CDK8: variants seen among roughly 807,000 people sequenced by gnomAD.
CDK8 encodes the protein cyclin dependent kinase 8.
A neutral mutation model predicts 71.5 loss-of-function variants in CDK8; 29 were observed. That is an observed-to-expected ratio of 0.41 (90% confidence interval 0.30 to 0.55). The LOEUF (loss-of-function observed/expected upper bound fraction) is 0.55, where lower values mean the gene tolerates loss of function less well. Among genes scored for constraint, CDK8 ranks in the 20% least tolerant of loss-of-function variants. The pLI is 0.37. For missense variants in CDK8, 288 were observed against 572.6 expected, an observed-to-expected ratio of 0.50 and a Z score of 5.07; for synonymous variants, 161 against 192.1, an observed-to-expected ratio of 0.84 and a Z score of 1.34.
intron 4 of CDK8, among the ~76,000 whole-genome samples, chr13:26,355,015 G>A (rs1873834760): frequency 6.6e-6 from 1 of 152,094 alleles, no homozygotes. Flanking sequence ...CTAATCACCT[G>A]TATACAAAGG....
At chr13:26,290,570 T>C (rs758528733) in intron 1 of CDK8, among the ~76,000 whole-genome samples, 19 of 152,174 alleles carry the variant, frequency 1.2e-4, no homozygotes, top group Non-Finnish European at 2.2e-4. Flanking sequence ...CACACCCCTT[T>C]CAAACCCCAC....
At chr13:26,378,276 G>A (rs930863702) in intron 4 of CDK8, among the ~76,000 whole-genome samples, 1 of 152,080 alleles carries the variant, frequency 6.6e-6, no homozygotes, top group African/African-American at 2.4e-5. Context: ...CTCCTAAAAC[G>A]AAACCAATTT....
intron 6 of CDK8, among the ~76,000 whole-genome samples, chr13:26,391,350 T>TCC (rs1198424427): frequency 6.6e-6 from 1 of 152,212 alleles, no homozygotes; most frequent in Non-Finnish European, 1.5e-5. Flanking sequence ...CAAGCGATCC[T>TCC]CCCGCCTCAG....
intron 1 of CDK8, among the ~76,000 whole-genome samples, chr13:26,329,321 T>G (rs1340823539): frequency 6.6e-6 from 1 of 152,078 alleles, no homozygotes; most frequent in African/African-American, 2.4e-5. Context: ...GGTCCCATCC[T>G]CTTATTTTTG....
In CDK8 at chr13:26,337,624, G is replaced by A. The variant is rs781169243; in HGVS notation, c.186G>A (p.Ser62=). 2.4e-5 allele frequency: 34 copies of A among 1,438,888 alleles called. No individual in the cohort carries two copies. The highest frequency in any genetic ancestry group is 7.0e-5 in the South Asian group (4 of 57,356). The allele number at this position is 1,438,888 out of a possible 1,614,324, so 89.1% of individuals were successfully genotyped here. Residue 62 remains serine (S), a synonymous_variant, in exon 2 of 13, where the codon TCG becomes TCA. Transcript: ENST00000381527. Reference sequence around the variant, plus strand: ...TAGAAGGAACTGGGATCTCTATGTCGGCATGTAGAGAAATAGCAGTAAGTG... The same window carrying A: ...TAGAAGGAACTGGGATCTCTATGTCAGCATGTAGAGAAATAGCAGTAAGTG... ...KQIEGTGISM[S]ACREIALLRE...
intron 1 of CDK8, among the ~76,000 whole-genome samples, chr13:26,286,153 A>G (rs1478940047): frequency 6.6e-6 from 1 of 152,202 alleles, no homozygotes; most frequent in African/African-American, 2.4e-5. Context: ...AGAACTAGAA[A>G]AAACAATCCT....
intron 4 of CDK8, among the ~76,000 whole-genome samples, chr13:26,360,625 G>T (rs1874094099): frequency 6.6e-6 from 1 of 152,134 alleles, no homozygotes; most frequent in South Asian, 2.1e-4. Context: ...GGCAAAGACT[G>T]TGTCTTACTC....
chr13:26,298,736 C>T (rs1873679528), intron 1 of CDK8, among the ~76,000 whole-genome samples: 2 of 152,156 alleles, frequency 1.3e-5, no homozygotes, highest in African/African-American at 2.4e-5. Context: ...TGTGTTCCAC[C>T]TTTACTGTCA....
chr13:26,401,402 T>C lies in CDK8; in HGVS notation c.1110+55T>C. 2.5e-6 allele frequency: 4 copies of C among 1,612,026 alleles called. No homozygotes were observed. In the Admixed American group the frequency reaches 6.7e-5, roughly 27 times the overall value. On this transcript the variant is annotated intron_variant, in intron 11 of 12. Coordinates refer to ENST00000381527, the MANE Select transcript of CDK8 (RefSeq NM_001260.3). This position sits in a 1 kb window ranked among gnomAD's most constrained non-coding sequence, Gnocchi z 4.5. ...TTGTTTCGTGAATGCCTCCATAACA[T>C]TTTCCATTGTGGGTATATTTTGTTC...
chr13:26,294,314 T>C (rs192866346), intron 1 of CDK8, among the ~76,000 whole-genome samples: 187 of 152,094 alleles, frequency 1.2e-3, no homozygotes, highest in African/African-American at 4.3e-3. Flanking sequence ...TATATTTTCT[T>C]TATCCGTTCA....
rs534938540 is a variant in CDK8 at position 26,290,195 on chromosome 13, G to T, written c.128+35426G>T. On this transcript the variant is annotated intron_variant, in intron 1 of 12. Transcript: ENST00000381527. ...TATTTATTTCTAGAAGAAATATAGAGTATAACTGTATTAAAAAGTGTTGAA... is the reference window on the plus strand; with the variant it reads ...TATTTATTTCTAGAAGAAATATAGATTATAACTGTATTAAAAAGTGTTGAA... Among the ~76,000 whole-genome samples the T allele has an allele frequency of 2.0e-5, 3 of 152,264 alleles. No individual in the cohort carries two copies. In the East Asian group the frequency reaches 5.8e-4, roughly 29 times the overall value.
At chr13:26,255,867 T>C (rs1287908678) in intron 1 of CDK8, among the ~76,000 whole-genome samples, 2 of 152,158 alleles carry the variant, frequency 1.3e-5, no homozygotes, top group Non-Finnish European at 2.9e-5. Context: ...TCAGACTACA[T>C]TAGCACGAAA....
At chr13:26,281,555 G>C (rs940548386) in intron 1 of CDK8, among the ~76,000 whole-genome samples, 2 of 103,354 alleles carry the variant, frequency 1.9e-5, no homozygotes, top group Non-Finnish European at 3.4e-5. Context: ...AGTAATTCTG[G>C]TAATATGACA....
intron 1 of CDK8, among the ~76,000 whole-genome samples, chr13:26,294,143 T>G (rs1873432297): frequency 6.6e-6 from 1 of 151,986 alleles, no homozygotes; most frequent in Non-Finnish European, 1.5e-5. Flanking sequence ...TTTTTTTTTT[T>G]TCTTCAGAGG....
intron 1 of CDK8, among the ~76,000 whole-genome samples, chr13:26,282,839 C>G (rs1169249892): frequency 6.7e-6 from 1 of 148,240 alleles, no homozygotes; most frequent in Non-Finnish European, 1.5e-5. Context: ...CACATAAGGA[C>G]TCACATAAAC....
rs956474182 is a variant in CDK8 at position 26,302,338 on chromosome 13, C to A, written c.129-35229C>A. On this transcript the variant is annotated intron_variant, in intron 1 of 12. Coordinates refer to ENST00000381527, the MANE Select transcript of CDK8 (RefSeq NM_001260.3). ...GTTTCTTATACAATTCAAGGTTTCA[C>A]CCAAAGGGTCTTCCCAATTTTTTTG... Among the ~76,000 whole-genome samples, 3 of 152,194 alleles carry A rather than the reference C, an allele frequency of 2.0e-5. No individual in the cohort carries two copies. In the East Asian group the frequency reaches 5.8e-4, roughly 29 times the overall value.
chr13:26,349,447 T>C (rs946935072), intron 3 of CDK8, among the ~76,000 whole-genome samples: 1 of 152,218 alleles, frequency 6.6e-6, no homozygotes, highest in African/African-American at 2.4e-5. Context: ...TTGCTTCATA[T>C]AGTTTTTTGA....
intron 4 of CDK8, among the ~76,000 whole-genome samples, chr13:26,376,794 G>GA (rs902869859): frequency 1.3e-5 from 2 of 151,322 alleles, no homozygotes; most frequent in African/African-American, 2.4e-5. Flanking sequence ...AGTATCTGCA[G>GA]AAAAAAAAGA....
At chr13:26,356,487 G>A (rs1873903091) in intron 4 of CDK8, among the ~76,000 whole-genome samples, 2 of 152,130 alleles carry the variant, frequency 1.3e-5, no homozygotes, top group African/African-American at 4.8e-5. Flanking sequence ...GCACGCAGAA[G>A]TCCACTGAAC....
Sources: allele counts gnomAD v4.1 joint callset (sites outside exome capture counted in the v4.1 genomes callset), GRCh38; gene constraint gnomAD v4.1.1; non-coding constraint Gnocchi (gnomAD v3.1); transcripts MANE v1.5; gene names NCBI Gene and HGNC (gene_info 2026-07-23, HGNC 2026-07-21).